UBAP1: variants seen among roughly 807,000 people sequenced by gnomAD.
UBAP1 encodes the protein ubiquitin-associated protein 1.
Under a neutral mutation model 39.0 loss-of-function variants are expected in UBAP1, and 5 were observed. That is an observed-to-expected ratio of 0.13 (90% CI 0.07 to 0.27). The LOEUF (loss-of-function observed/expected upper bound fraction) is 0.27. Among genes scored for constraint, UBAP1 ranks in the 10% least tolerant of loss-of-function variants. The pLI is 1.00. For synonymous variants in UBAP1, 211 were observed against 225.1 expected, an observed-to-expected ratio of 0.94 and a Z score of 0.56; for missense variants, 490 against 608.1, an observed-to-expected ratio of 0.81 and a Z score of 2.04.
intron 1 of UBAP1, chr9:34,191,974 T>G (rs1309803461): frequency 6.6e-6 from 1 of 151,574 alleles, no homozygotes; most frequent in African/African-American, 2.4e-5. Context: ...TTGGATTTTT[T>G]TTTTTAATTT....
In UBAP1 at chr9:34,250,685, C is replaced by G; in HGVS notation, c.1294C>G (p.Gln432Glu). ...QILDYLFAHG[Q>E]LCEKGFDPLL... ...TCTCGACTATCTCTTTGCACATGGA[C>G]AGCTTTGTGAGAAGGGCTTCGACCC... The change falls in exon 6 of 7, where the codon CAG (glutamine) becomes GAG (glutamate). Residue 432 changes from glutamine to glutamate, a missense_variant. This residue lies in a region of UBAP1 where 339 missense variants were observed against 390.0 expected (regional missense o/e 0.87). Coordinates refer to ENST00000297661, the MANE Select transcript of UBAP1 (RefSeq NM_016525.5). 1 of 1,613,712 alleles carries G rather than the reference C, an allele frequency of 6.2e-7. No individual in the cohort carries two copies.
intron 1 of UBAP1, among the ~76,000 whole-genome samples, chr9:34,213,567 C>G (rs555022241): frequency 6.6e-6 from 1 of 152,026 alleles, no homozygotes; most frequent in African/African-American, 2.4e-5. Context: ...CAACCTAATA[C>G]TGAATGGGGA....
chr9:34,232,925 T>C (rs965661684), intron 2 of UBAP1, among the ~76,000 whole-genome samples: 4 of 152,218 alleles, frequency 2.6e-5, no homozygotes, highest in Non-Finnish European at 2.9e-5. Context: ...AAAGAAAACA[T>C]GGCCCTGTTT....
At chr9:34,216,397 A>G (rs2131565719) in intron 1 of UBAP1, among the ~76,000 whole-genome samples, 1 of 152,278 alleles carries the variant, frequency 6.6e-6, no homozygotes, top group East Asian at 1.9e-4. Context: ...GGCAACCGCC[A>G]GTCTGCTTTC....
intron 2 of UBAP1, among the ~76,000 whole-genome samples, chr9:34,222,604 C>G (rs1832819470): frequency 6.6e-6 from 1 of 151,960 alleles, no homozygotes; most frequent in Non-Finnish European, 1.5e-5. Flanking sequence ...AGACCAGCCT[C>G]AGCAACATAG....
chr9:34,226,382 G>A (rs1246521574), intron 2 of UBAP1, among the ~76,000 whole-genome samples: 2 of 151,940 alleles, frequency 1.3e-5, no homozygotes, highest in African/African-American at 4.8e-5. Context: ...GATTATAGGT[G>A]CGCACCACCA....
intron 1 of UBAP1, among the ~76,000 whole-genome samples, chr9:34,195,928 T>C (rs13288371): frequency 1.0e-3 from 14 of 13,518 alleles, no homozygotes; most frequent in African/African-American, 3.1e-3. Flanking sequence ...AATTTTTTGG[T>C]TTTTTTTTTT....
chr9:34,225,742 T>C (rs1833012108), intron 2 of UBAP1, among the ~76,000 whole-genome samples: 1 of 146,990 alleles, frequency 6.8e-6, no homozygotes, highest in Admixed American at 6.9e-5. Context: ...ATCACACCAC[T>C]GCACTCCAGC....
chr9:34,188,363 A>G (rs72731267), intron 1 of UBAP1, among the ~76,000 whole-genome samples: 7,571 of 146,976 alleles, frequency 0.052, 283 homozygotes, highest in South Asian at 0.096. Flanking sequence ...ATCAGATTTG[A>G]TGGGTAAATA....
intron 1 of UBAP1, among the ~76,000 whole-genome samples, chr9:34,195,350 G>A (rs1022646084): frequency 5.3e-5 from 8 of 151,874 alleles, no homozygotes; most frequent in African/African-American, 1.2e-4. Context: ...TATATATGAC[G>A]TCATATGGAT....
intron 1 of UBAP1, among the ~76,000 whole-genome samples, chr9:34,187,261 T>C (rs778642764): frequency 6.6e-6 from 1 of 152,212 alleles, no homozygotes; most frequent in Non-Finnish European, 1.5e-5. Flanking sequence ...GCCAGGCATG[T>C]TGTTTTAATA....
At chr9:34,181,724 G>T (rs1478000023) in intron 1 of UBAP1, among the ~76,000 whole-genome samples, 1 of 142,458 alleles carries the variant, frequency 7.0e-6, no homozygotes, top group African/African-American at 2.6e-5. Context: ...GAGCCACCGT[G>T]CCAGGCCTTT....
chr9:34,231,127 A>ATGTGTGTG (rs6150983), intron 2 of UBAP1, among the ~76,000 whole-genome samples: 2,569 of 137,042 alleles, frequency 0.019, 45 homozygotes, highest in African/African-American at 0.032. Flanking sequence ...TAAAAAAATT[A>ATGTGTGTG]TGTGTGTGTG....
At chr9:34,205,053 A>G (rs1831608297) in intron 1 of UBAP1, among the ~76,000 whole-genome samples, 1 of 152,066 alleles carries the variant, frequency 6.6e-6, no homozygotes, top group African/African-American at 2.4e-5. Flanking sequence ...ACCCAGAGTG[A>G]GAGTGCAGGC....
chr9:34,219,799 C>G (rs1832578995), intron 1 of UBAP1, among the ~76,000 whole-genome samples: 1 of 55,654 alleles, frequency 1.8e-5, no homozygotes, highest in Non-Finnish European at 3.6e-5. Context: ...CCCATCTCCA[C>G]TTTCCCCTCT....
At chr9:34,181,778 T>C (rs949891807) in intron 1 of UBAP1, among the ~76,000 whole-genome samples, 10 of 149,642 alleles carry the variant, frequency 6.7e-5, no homozygotes, top group African/African-American at 2.0e-4. Context: ...AATTAAACTC[T>C]GTAAATATGA....
chr9:34,207,350 A>C (rs895356253), intron 1 of UBAP1, among the ~76,000 whole-genome samples: 5 of 150,374 alleles, frequency 3.3e-5, no homozygotes, highest in African/African-American at 1.2e-4. Flanking sequence ...CTGGCCGCTT[A>C]ATTGTTATTT....
intron 2 of UBAP1, among the ~76,000 whole-genome samples, chr9:34,221,727 T>A (rs892742832): frequency 1.3e-5 from 2 of 152,148 alleles, no homozygotes; most frequent in African/African-American, 2.4e-5. Context: ...AATACTGATA[T>A]TTATAATTTT....
intron 6 of UBAP1, among the ~76,000 whole-genome samples, chr9:34,251,041 C>T (rs1029018925): frequency 2.0e-5 from 3 of 152,196 alleles, no homozygotes; most frequent in Admixed American, 2.0e-4. Context: ...AGGGAGATTG[C>T]TGGACTTTTT....
Sources: gnomAD v4.1 joint callset for allele counts (sites outside exome capture counted in the v4.1 genomes callset) on GRCh38, gnomAD v4.1.1 for gene constraint, gnomAD v4.1.1 regional missense constraint, MANE v1.5 for transcripts, NCBI Gene and HGNC (gene_info 2026-07-23, HGNC 2026-07-21) for gene names.